The following HIVEP3 variants were observed in gnomAD, a reference collection of about 807,000 sequenced individuals.
The protein encoded by HIVEP3 is transcription factor HIVEP3.
HIVEP3 carries 49 observed loss-of-function variants against 152.8 expected under a neutral mutation model. That is an observed-to-expected ratio of 0.32 (90% CI 0.26 to 0.41). The LOEUF is 0.41. Among genes scored for constraint, HIVEP3 ranks in the 10% least tolerant of loss-of-function variants. HIVEP3 has a pLI of 1.00. For synonymous variants in HIVEP3, 1,269 were observed against 1,289.0 expected, an observed-to-expected ratio of 0.98 and a Z score of 0.33; for missense variants, 2,790 against 3,103.3, an observed-to-expected ratio of 0.90 and a Z score of 2.40.
At chr1:42,017,995 T>C (rs1645533626) in intron 1 of HIVEP3, among the ~76,000 whole-genome samples, 1 of 152,186 alleles carries the variant, frequency 6.6e-6, no homozygotes. Context: ...TACCTTTTTG[T>C]AGATTTAATT....
chr1:41,513,845 C>A (rs1642525159), intron 7 of HIVEP3, 95 bp from the exon 8 acceptor site: 2 of 1,077,062 alleles, frequency 1.9e-6, no homozygotes, highest in East Asian at 2.8e-5. Flanking sequence ...TCCTTGCCTG[C>A]TGACTGGGCA....
intron 1 of HIVEP3, among the ~76,000 whole-genome samples, chr1:41,795,971 T>C (rs1263965909): frequency 6.6e-6 from 1 of 152,206 alleles, no homozygotes; most frequent in Non-Finnish European, 1.5e-5. Flanking sequence ...AGAATGGTCT[T>C]TAGAGACTAA....
chr1:41,784,320 A>G (rs879480732), intron 1 of HIVEP3, among the ~76,000 whole-genome samples: 2 of 152,262 alleles, frequency 1.3e-5, no homozygotes, highest in African/African-American at 4.8e-5. Flanking sequence ...TTTTTTTAAT[A>G]TTGGCTACAT....
In HIVEP3 at chr1:41,942,704, T is replaced by C. The variant is rs111735460; in HGVS notation, n.120-24180A>G. 8.3e-3 allele frequency among the ~76,000 whole-genome samples: 1,259 copies of C among 152,274 alleles called. 19 individuals carry two copies. The highest frequency in any genetic ancestry group is 0.029 in the African/African-American group (1,215 of 41,550). On this transcript the variant is annotated intron_variant and non_coding_transcript_variant, in intron 1 of 3. Coordinates refer to the HIVEP3 transcript ENST00000489103. ...ATAAATGAAAACAACCCCCAAATGT[T>C]CATGAATTAGGGACTAGTTGCATTC... is the stretch of plus-strand genomic sequence containing the variant.
intron 1 of HIVEP3, among the ~76,000 whole-genome samples, chr1:41,714,383 C>T (rs188332261): frequency 1.3e-5 from 2 of 152,288 alleles, no homozygotes; most frequent in African/African-American, 4.8e-5. Context: ...ATGCCACCTT[C>T]GCCTCCTTTA....
intron 3 of HIVEP3, among the ~76,000 whole-genome samples, chr1:41,613,374 C>G (rs992428681): frequency 6.6e-6 from 1 of 152,228 alleles, no homozygotes; most frequent in East Asian, 1.9e-4. Flanking sequence ...TATTCCCTCA[C>G]TGTACTAATC....
At position 41,667,074 on chromosome 1, in the gene HIVEP3, G is replaced by A. The variant is rs577359130; in HGVS notation, c.-721+33842C>T. Among the ~76,000 whole-genome samples, 12 of 152,272 alleles carry A rather than the reference G, an allele frequency of 7.9e-5. No homozygotes were observed. In the South Asian group the frequency reaches 2.1e-3, roughly 26 times the overall value. ...TCCCTGGCCCCCAGGGAGTGTTGGC[G>A]TTTCCTTTGCCATGAGCCTCCAGCA... On this transcript the variant is annotated intron_variant, in intron 2 of 8. Coordinates refer to ENST00000372583, the MANE Select transcript of HIVEP3 (RefSeq NM_024503.5).
chr1:41,787,780 T>C (rs1649449597), intron 1 of HIVEP3, among the ~76,000 whole-genome samples: 1 of 152,074 alleles, frequency 6.6e-6, no homozygotes, highest in Non-Finnish European at 1.5e-5. Flanking sequence ...AGCGATCCTC[T>C]TGCCTCAACC....
chr1:41,990,506 C>T (rs1645353626), intron 1 of HIVEP3, among the ~76,000 whole-genome samples: 1 of 142,288 alleles, frequency 7.0e-6, no homozygotes, highest in Non-Finnish European at 1.5e-5. Flanking sequence ...TAAAGCAAGT[C>T]CTGAGTGACC....
At chr1:41,521,192 C>A (rs1642750591) in intron 6 of HIVEP3, among the ~76,000 whole-genome samples, 1 of 152,148 alleles carries the variant, frequency 6.6e-6, no homozygotes, top group Admixed American at 6.5e-5. Flanking sequence ...GATGAGGTGA[C>A]ACAAGTAGAG....
intron 5 of HIVEP3, among the ~76,000 whole-genome samples, chr1:41,526,400 C>T (rs1180114871): frequency 2.2e-5 from 3 of 139,130 alleles, no homozygotes; most frequent in Admixed American, 7.1e-5. Context: ...TCACACATGC[C>T]CACACCCCCA....
Position 41,511,526 on chromosome 1 carries a change from A to G in HIVEP3, c.6406-260T>C, listed in dbSNP as rs369590996. Among the ~76,000 whole-genome samples the G allele has an allele frequency of 1.3e-5, 2 of 152,116 alleles. No homozygotes were observed. The highest frequency in any genetic ancestry group is 4.8e-5 in the African/African-American group (2 of 41,440). ...CATGGTCTCCATGCCTCTAGCCAGC[A>G]TATCTGTCTTCAAAGGAGGGGATAC... On this transcript the variant is annotated intron_variant, in intron 8 of 8. Transcript: ENST00000372583. This position sits in a 1 kb window ranked among gnomAD's most constrained non-coding sequence, Gnocchi z 4.9.
chr1:41,825,037 G>T (rs1353201452), intron 1 of HIVEP3, among the ~76,000 whole-genome samples: 2 of 151,958 alleles, frequency 1.3e-5, no homozygotes, highest in Non-Finnish European at 2.9e-5. Context: ...GTCTGTATAA[G>T]AGACCACCTG....
intron 1 of HIVEP3, among the ~76,000 whole-genome samples, chr1:41,786,793 A>G (rs1649374952): frequency 6.8e-6 from 1 of 147,960 alleles, no homozygotes; most frequent in Non-Finnish European, 1.5e-5. Context: ...ACTCTGTTGC[A>G]CAAGCTGGAG....
chr1:41,925,687 C>A (rs911176834), intron 1 of HIVEP3, among the ~76,000 whole-genome samples: 1 of 152,218 alleles, frequency 6.6e-6, no homozygotes, highest in Non-Finnish European at 1.5e-5. Context: ...CCTGTTCTGG[C>A]AGATACTGTT....
intron 1 of HIVEP3, among the ~76,000 whole-genome samples, chr1:41,992,284 A>C (rs1406947635): frequency 1.3e-5 from 2 of 152,170 alleles, no homozygotes. Flanking sequence ...TTAAGCGATA[A>C]GCAACTTCAG....
rs1274888962 is a variant in HIVEP3 at position 41,581,912 on chromosome 1, G to A, written c.2886C>T (p.Pro962=). Residue 962 remains proline, a synonymous_variant, in exon 4 of 9, where the codon CCC becomes CCT. Coordinates refer to ENST00000372583, the MANE Select transcript of HIVEP3 (RefSeq NM_024503.5). The surrounding 1 kb of genome is among the most constrained non-coding windows in gnomAD (Gnocchi z 4.5). ...DDHGKAEAPS[P]SSDMRPKPLG... ...GGGGTTTGGGGCGCATGTCAGATGAGGGACTGGGGGCCTCGGCTTTCCCAT... is the reference window on the plus strand; with the variant it reads ...GGGGTTTGGGGCGCATGTCAGATGAAGGACTGGGGGCCTCGGCTTTCCCAT... The A allele has an allele frequency of 6.2e-7, 1 of 1,614,140 alleles. No homozygotes were observed. Among genetic ancestry groups the A allele is most frequent in the Admixed American group, 1.7e-5 (1 of 60,024 alleles).
intron 1 of HIVEP3, among the ~76,000 whole-genome samples, chr1:41,915,477 G>C (rs1219058844): frequency 2.0e-5 from 3 of 152,068 alleles, no homozygotes; most frequent in Non-Finnish European, 1.5e-5. Context: ...AATTTGCTAG[G>C]TGCATTTGAC....
intron 1 of HIVEP3, among the ~76,000 whole-genome samples, chr1:41,840,301 A>C (rs538615263): frequency 6.6e-6 from 1 of 152,306 alleles, no homozygotes; most frequent in Non-Finnish European, 1.5e-5. Flanking sequence ...CCCAAATCCA[A>C]CATGACTGTG....
Sources: gnomAD v4.1 joint callset for allele counts (sites outside exome capture counted in the v4.1 genomes callset) on GRCh38, gnomAD v4.1.1 for gene constraint, Gnocchi (gnomAD v3.1) non-coding constraint, MANE v1.5 for transcripts, NCBI Gene and HGNC (gene_info 2026-07-23, HGNC 2026-07-21) for gene names.